The following CFAP300 variants were observed in gnomAD, a reference collection of about 807,000 sequenced individuals.
The protein encoded by CFAP300 is cilia and flagella associated protein 300.
In CFAP300, 32 loss-of-function variants were observed where a neutral mutation model predicts 33.0. The ratio of observed to expected loss-of-function variants is 0.97; its 90% CI spans 0.73 to 1.30. The LOEUF (loss-of-function observed/expected upper bound fraction) is 1.30. Among genes scored for constraint, CFAP300 ranks in the 50% most tolerant of loss-of-function variants. The probability of loss-of-function intolerance (pLI) is 0.00; values close to 1 mark genes in which losing one functional copy is unlikely to be tolerated. For synonymous variants in CFAP300, 102 were observed against 106.8 expected (o/e 0.95, Z 0.28); for missense variants, 356 against 318.1 (o/e 1.12, Z -0.90).
At chr11:102,076,463 T>C (rs923783683) in intron 5 of CFAP300, among the ~76,000 whole-genome samples, 8 of 152,250 alleles carry the variant, frequency 5.3e-5, no homozygotes, top group African/African-American at 1.9e-4. Flanking sequence ...TTCACGTAGG[T>C]GTAATCTTTA....
At chr11:102,052,488 T>A (rs909186592) in intron 2 of CFAP300, among the ~76,000 whole-genome samples, 27 of 152,374 alleles carry the variant, frequency 1.8e-4, no homozygotes, top group African/African-American at 5.5e-4. Context: ...TGTCTTTTTA[T>A]AATTAAGCAT....
intron 2 of CFAP300, among the ~76,000 whole-genome samples, chr11:102,049,508 G>C (rs912227591): frequency 6.6e-6 from 1 of 152,024 alleles, no homozygotes; most frequent in Non-Finnish European, 1.5e-5. Context: ...GAGTAAATTG[G>C]TTAAATGTCT....
chr11:102,080,235 T>C (rs1397917911), intron 5 of CFAP300, among the ~76,000 whole-genome samples: 1 of 152,216 alleles, frequency 6.6e-6, no homozygotes, highest in African/African-American at 2.4e-5. Flanking sequence ...AAATTATAAA[T>C]ATATGTCTGT....
chr11:102,065,303 G>GAACTCCTGGCCTGGCTGGTCTCA, intron 3 of CFAP300, among the ~76,000 whole-genome samples: 1 of 151,896 alleles, frequency 6.6e-6, no homozygotes, highest in Admixed American at 6.6e-5. Context: ...GGCTGGTCTC[G>GAACTCCTGGCCTGGCTGGTCTCA]AACTCCTGGC....
At chr11:102,058,748 T>C (rs1036820925) in intron 2 of CFAP300, 132 bp from the exon 3 acceptor site, 2 of 601,890 alleles carry the variant, frequency 3.3e-6, no homozygotes, top group Admixed American at 3.5e-5. Flanking sequence ...AACTCTTTAT[T>C]ACTCAGACAT....
At chr11:102,080,969 C>A (rs999842386) in intron 5 of CFAP300, among the ~76,000 whole-genome samples, 2 of 152,194 alleles carry the variant, frequency 1.3e-5, no homozygotes, top group African/African-American at 4.8e-5. Context: ...ATTTCATCAT[C>A]TGAGTCTCAG....
At chr11:102,056,755 C>G (rs769850900) in intron 2 of CFAP300, among the ~76,000 whole-genome samples, 1 of 152,040 alleles carries the variant, frequency 6.6e-6, no homozygotes, top group Non-Finnish European at 1.5e-5. Context: ...TCCCGGGTAG[C>G]TGGAATTACA....
chr11:102,074,612 T>C (rs1189328878), intron 4 of CFAP300, among the ~76,000 whole-genome samples: 1 of 152,150 alleles, frequency 6.6e-6, no homozygotes, highest in Non-Finnish European at 1.5e-5. Context: ...TGTAAAGTTG[T>C]TTATATGTAT....
intron 2 of CFAP300, among the ~76,000 whole-genome samples, chr11:102,050,411 A>G (rs931083174): frequency 3.9e-5 from 6 of 152,194 alleles, no homozygotes; most frequent in Non-Finnish European, 8.8e-5. Context: ...AACAGAGGGT[A>G]TTGTTTAAAC....
chr11:102,079,422 C>T (rs1942442925), intron 5 of CFAP300, among the ~76,000 whole-genome samples: 2 of 152,090 alleles, frequency 1.3e-5, no homozygotes, highest in Admixed American at 6.6e-5. Flanking sequence ...ATGAACTTGA[C>T]CTATGTCATA....
At chr11:102,079,537 G>T (rs938921252) in intron 5 of CFAP300, among the ~76,000 whole-genome samples, 5 of 152,114 alleles carry the variant, frequency 3.3e-5, no homozygotes, top group Non-Finnish European at 5.9e-5. Context: ...GCTATGGCTG[G>T]TCATCCCCAA....
In CFAP300 at chr11:102,075,992, T is replaced by C. The variant is rs563349596; in HGVS notation, c.555T>C (p.Asp185=). ...CLGGALCQYE[D]VISPYLETTK... ...GTGGAGCCCTTTGTCAATATGAGGA[T>C]GTGATTAGCCCATATCTGGAAACAA... Residue 185 remains aspartate, a synonymous_variant, in exon 5 of 7, where the codon GAT becomes GAC. Transcript: ENST00000434758. 6.2e-7 allele frequency: 1 copy of C among 1,613,926 alleles called. No individual in the cohort carries two copies. Among genetic ancestry groups the C allele is most frequent in the East Asian group, 2.2e-5 (1 of 44,812 alleles).
intron 4 of CFAP300, among the ~76,000 whole-genome samples, chr11:102,069,349 GTACTAAT>G (rs1318813473): frequency 6.6e-6 from 1 of 152,202 alleles, no homozygotes; most frequent in Non-Finnish European, 1.5e-5. Flanking sequence ...AATGTAGTAA[GTACTAAT>G]AACCACTTTC....
intron 2 of CFAP300, 77 bp from the exon 3 acceptor site, chr11:102,058,803 T>G: frequency 1.2e-6 from 1 of 808,182 alleles, no homozygotes. Context: ...TAAAGGAGAT[T>G]ATAGTTATTT....
At chr11:102,067,978 A>G (rs1445887849) in intron 4 of CFAP300, among the ~76,000 whole-genome samples, 1 of 152,238 alleles carries the variant, frequency 6.6e-6, no homozygotes, top group African/African-American at 2.4e-5. Context: ...TAAAGTAGTT[A>G]AAAATGAGGG....
chr11:102,072,410 T>C (rs1364906034), intron 4 of CFAP300, among the ~76,000 whole-genome samples: 2 of 152,130 alleles, frequency 1.3e-5, no homozygotes. Context: ...TTGTATCCTT[T>C]ATCTGTGCTT....
intron 4 of CFAP300, among the ~76,000 whole-genome samples, chr11:102,074,532 A>G (rs1326608989): frequency 6.6e-6 from 1 of 151,860 alleles, no homozygotes; most frequent in Non-Finnish European, 1.5e-5. Flanking sequence ...TCTACTTGCT[A>G]TTTTGGTTCT....
Position 102,047,962 on chromosome 11 carries a change from A to G in CFAP300, c.192+66A>G, listed in dbSNP as rs147332826. 4.9e-3 allele frequency: 7,395 copies of G among 1,501,376 alleles called. 37 individuals carry two copies. Among genetic ancestry groups the G allele is most frequent in the Middle Eastern group, 7.9e-3 (46 of 5,838 alleles). 93.0% of individuals were successfully genotyped at this position (1,501,376 alleles called of 1,614,324 possible). On this transcript the variant is annotated intron_variant, in intron 2 of 6. Transcript: ENST00000434758. ...TTTTTAAACTTCCCCCCAAGTTGGC[A>G]TAGATTCTTGTGAACACGCTATTCC... is the stretch of plus-strand genomic sequence containing the variant.
Position 102,047,589 on chromosome 11 carries a change from C to A in CFAP300, c.110+9C>A, listed in dbSNP as rs1030218172. On this transcript the variant is annotated intron_variant, in intron 1 of 6. Transcript: ENST00000434758. ...AGCCGGCTCCGCCAGTGGTGAGGAA[C>A]CGAGGCACAGGGAGAGAAGAGGCCC... 2 of 1,535,090 alleles carry A rather than the reference C, an allele frequency of 1.3e-6. No homozygotes were observed. Among genetic ancestry groups the A allele is most frequent in the South Asian group, 1.2e-5 (1 of 84,052 alleles).
Sources: gnomAD v4.1 joint callset for allele counts (sites outside exome capture counted in the v4.1 genomes callset) on GRCh38, gnomAD v4.1.1 for gene constraint, MANE v1.5 for transcripts, NCBI Gene and HGNC (gene_info 2026-07-23, HGNC 2026-07-21) for gene names.